SLC9A6: variants seen among roughly 807,000 people sequenced by gnomAD.
SLC9A6 encodes solute carrier family 9 member A6.
SLC9A6 carries 6 observed loss-of-function variants against 45.3 expected under a neutral mutation model. The ratio of observed to expected loss-of-function variants is 0.13; its 90% confidence interval spans 0.07 to 0.26. The LOEUF (loss-of-function observed/expected upper bound fraction) is 0.26, where lower values mean the gene tolerates loss of function less well. Among genes scored for constraint, SLC9A6 ranks in the 10% least tolerant of loss-of-function variants. The pLI is 1.00. For missense variants in SLC9A6, 278 were observed against 503.7 expected, an observed-to-expected ratio of 0.55 and a Z score of 4.29; for synonymous variants, 191 against 187.7, an observed-to-expected ratio of 1.02 and a Z score of -0.14.
intron 15 of SLC9A6, chrX:136,033,113 C>T (rs1344735871): frequency 3.0e-5 from 6 of 200,831 alleles, no homozygotes; most frequent in East Asian, 1.4e-4. Context: ...CTGCCTGCCT[C>T]GGCCTCCCAA....
chrX:136,016,188 C>T (rs1221956629), intron 10 of SLC9A6, among the ~76,000 whole-genome samples: 1 of 111,316 alleles, frequency 9.0e-6, no homozygotes, highest in African/African-American at 3.3e-5. Context: ...ATGCTAGGAT[C>T]AGAAAGTTGA....
intron 2 of SLC9A6, among the ~76,000 whole-genome samples, chrX:135,994,544 G>A (rs782520402): frequency 8.9e-6 from 1 of 111,819 alleles, no homozygotes; most frequent in Non-Finnish European, 1.9e-5. Flanking sequence ...TAGAAATGCA[G>A]TGATCTGTGC....
At chrX:136,004,992 A>C (rs1556617783) in intron 7 of SLC9A6, among the ~76,000 whole-genome samples, 1 of 112,390 alleles carries the variant, frequency 8.9e-6, no homozygotes, top group Non-Finnish European at 1.9e-5. Context: ...GAGAGTAGGT[A>C]CAGGCAGTCA....
At chrX:135,995,062 T>C (rs2089479743) in intron 3 of SLC9A6, 77 bp downstream of exon 3, 2 of 638,955 alleles carry the variant, frequency 3.1e-6, no homozygotes, top group Non-Finnish European at 5.0e-6. Flanking sequence ...AAATAAGTAA[T>C]GGATTTTTAA....
intron 15 of SLC9A6, among the ~76,000 whole-genome samples, chrX:136,032,236 T>C (rs782159568): frequency 3.6e-5 from 4 of 111,701 alleles, no homozygotes; most frequent in Non-Finnish European, 5.6e-5. Context: ...CCCAGCTCAT[T>C]TTTTTGTGTG....
In SLC9A6 at chrX:136,011,399, C is replaced by G. The variant is rs782140723; in HGVS notation, c.885+816C>G. 1.4e-4 allele frequency among the ~76,000 whole-genome samples: 15 copies of G among 110,673 alleles called. No homozygotes were observed. In the South Asian group the frequency reaches 5.8e-3, roughly 43 times the overall value. The stretch of plus-strand genomic sequence containing the variant: ...GGATTACAGGTGCGCAACACCACAC[C>G]CAGCAAGTTTTTTTATATTTTTAGT... On this transcript the variant is annotated intron_variant, in intron 8 of 17. Transcript: ENST00000630721.
In SLC9A6 at chrX:135,988,912, C is replaced by T. The variant is rs147573000; in HGVS notation, c.169+3085C>T. Among the ~76,000 whole-genome samples, 546 of 111,260 alleles carry T rather than the reference C, an allele frequency of 4.9e-3. 5 individuals carry two copies. The highest frequency in any genetic ancestry group is 0.016 in the African/African-American group (505 of 30,677). ...CTGGGATTATAAGTGTGAGCCACCT[C>T]GCCTGGTCAGAAATGGAAGTTTTCT... is the stretch of plus-strand genomic sequence containing the variant. On this transcript the variant is annotated intron_variant, in intron 2 of 17. Coordinates refer to ENST00000630721, the MANE Select transcript of SLC9A6 (RefSeq NM_001379110.1).
At chrX:135,982,430 T>A (rs925586351), upstream of SLC9A6, among the ~76,000 whole-genome samples, 2 of 107,893 alleles carry the variant, frequency 1.9e-5, no homozygotes, top group African/African-American at 3.4e-5. Flanking sequence ...TTGGAGTAGA[T>A]CCTGGAAGAA....
In SLC9A6 at chrX:136,046,360, G is replaced by A. The variant is rs1556623572; in HGVS notation, c.*1636G>A. ...GCTTTGACTGTTGGCATAGCCATTT[G>A]TTATGTAGTGGTAGCGACTTTCCTG... is the stretch of plus-strand genomic sequence containing the variant. On this transcript the variant is annotated 3_prime_UTR_variant, in exon 18 of 18. Transcript: ENST00000630721. The A allele has an allele frequency of 8.9e-6, 1 of 112,435 alleles. No homozygotes were observed. Among genetic ancestry groups the A allele is most frequent in the Non-Finnish European group, 1.9e-5 (1 of 53,279 alleles). The allele number at this position is 112,435 out of a possible 1,213,427, so 9.3% of individuals were successfully genotyped here.
At chrX:135,998,295 C>T (rs991952058) in intron 4 of SLC9A6, 110 bp downstream of exon 4, 16 of 587,933 alleles carry the variant, frequency 2.7e-5, no homozygotes, top group Non-Finnish European at 4.0e-5. Context: ...CTCCTTTCTC[C>T]TCTCCTTATC....
rs1556623179 is a variant in SLC9A6 at position 136,044,446 on chromosome X, A to G, written c.1768-6A>G. ...AATTCTTAAATCTTACTTTATTTGC[A>G]TTTAGAACCAGGAACAGTTGAAAGA... is the stretch of plus-strand genomic sequence containing the variant. On this transcript the variant is annotated splice_polypyrimidine_tract_variant and splice_region_variant and intron_variant, in intron 17 of 17. Coordinates refer to ENST00000630721, the MANE Select transcript of SLC9A6 (RefSeq NM_001379110.1). 4.2e-6 allele frequency: 5 copies of G among 1,202,213 alleles called. No individual in the cohort carries two copies. The South Asian group carries it at 5.3e-5, about 13-fold the overall frequency.
intron 1 of SLC9A6, among the ~76,000 whole-genome samples, chrX:135,976,189 C>A (rs2089261639): frequency 9.0e-6 from 1 of 110,833 alleles, no homozygotes; most frequent in African/African-American, 3.3e-5. Flanking sequence ...TAATGCATTC[C>A]TTACAAATGT....
At chrX:135,999,657 T>C (rs979198647) in intron 6 of SLC9A6, among the ~76,000 whole-genome samples, 2 of 112,058 alleles carry the variant, frequency 1.8e-5, no homozygotes, top group Non-Finnish European at 3.8e-5. Context: ...GATAGAGTAT[T>C]GGTAAACTTA....
At chrX:136,001,160 T>C (rs1220400740) in intron 6 of SLC9A6, among the ~76,000 whole-genome samples, 1 of 108,749 alleles carries the variant, frequency 9.2e-6, no homozygotes, top group Non-Finnish European at 1.9e-5. Flanking sequence ...ACGGTAAAAC[T>C]CTGTCTCTAC....
At chrX:136,032,755 T>C (rs1188570676) in intron 15 of SLC9A6, among the ~76,000 whole-genome samples, 1 of 112,770 alleles carries the variant, frequency 8.9e-6, no homozygotes, top group East Asian at 2.8e-4. Context: ...ATTTTCGAGA[T>C]CCATGACGAC....
At chrX:136,043,360 G>A (rs975111197) in intron 17 of SLC9A6, among the ~76,000 whole-genome samples, 3 of 112,089 alleles carry the variant, frequency 2.7e-5, no homozygotes, top group African/African-American at 6.5e-5. Context: ...ATACCCAGCC[G>A]TTTATTTTTC....
chrX:136,042,898 C>A (rs1382893628), intron 17 of SLC9A6, among the ~76,000 whole-genome samples: 1 of 111,627 alleles, frequency 9.0e-6, no homozygotes, highest in Non-Finnish European at 1.9e-5. Context: ...ATGTTTCAGT[C>A]ATTTCCTTTT....
Position 136,045,761 on chromosome X carries a change from T to C in SLC9A6, c.*1037T>C, listed in dbSNP as rs1356838166. 1 of 112,282 alleles carries C rather than the reference T, an allele frequency of 8.9e-6. No homozygotes were observed. The highest frequency in any genetic ancestry group is 1.9e-5 in the Non-Finnish European group (1 of 53,241). 9.3% of individuals were successfully genotyped at this position (112,282 alleles called of 1,213,427 possible). ...TGTCTAATCATCATTTGTTAGTCTG[T>C]AGTTAATGTCAACAGTTAATTTATG... On this transcript the variant is annotated 3_prime_UTR_variant, in exon 18 of 18. Transcript: ENST00000630721.
chrX:136,009,904 A>T (rs1556618411), intron 7 of SLC9A6, among the ~76,000 whole-genome samples: 1 of 112,145 alleles, frequency 8.9e-6, no homozygotes, highest in African/African-American at 3.2e-5. Flanking sequence ...AGTCCATTTC[A>T]GTGAATGAAT....
Sources: gnomAD v4.1 joint callset for allele counts (sites outside exome capture counted in the v4.1 genomes callset) on GRCh38, gnomAD v4.1.1 for gene constraint, MANE v1.5 for transcripts, NCBI Gene and HGNC (gene_info 2026-07-23, HGNC 2026-07-21) for gene names.